DST: variants seen among roughly 807,000 people sequenced by gnomAD.
The protein encoded by DST is bullous pemphigoid antigen.
DST carries 253 observed loss-of-function variants against 875.2 expected under a neutral mutation model. The observed-to-expected ratio is 0.29, with a 90% CI of 0.26 to 0.32. The LOEUF (loss-of-function observed/expected upper bound fraction) is 0.32, where lower values mean the gene tolerates loss of function less well. Ranked by LOEUF, DST falls within the 10% of genes least tolerant of loss-of-function variation. The pLI, the probability that DST is intolerant of heterozygous loss-of-function variation, is 1.00. For missense variants in DST, 8,287 were observed against 9,111.6 expected, an observed-to-expected ratio of 0.91 and a Z score of 3.68; for synonymous variants, 3,124 against 3,197.1, an observed-to-expected ratio of 0.98 and a Z score of 0.77.
At chr6:56,684,509 CACTACTGA>C (rs1390526133) in intron 9 of DST, among the ~76,000 whole-genome samples, 1 of 152,192 alleles carries the variant, frequency 6.6e-6, no homozygotes, top group African/African-American at 2.4e-5. Flanking sequence ...GCCCTCCTCT[CACTACTGA>C]ACAAGCTTAG....
chr6:56,569,203 T>C (rs1337223524), intron 54 of DST, among the ~76,000 whole-genome samples: 1 of 151,676 alleles, frequency 6.6e-6, no homozygotes, highest in Non-Finnish European at 1.5e-5. Flanking sequence ...CAGCCACCTG[T>C]AGTCCCAGCT....
At chr6:56,868,992 C>T (rs1428760640) in intron 3 of DST, among the ~76,000 whole-genome samples, 3 of 152,164 alleles carry the variant, frequency 2.0e-5, no homozygotes, top group Non-Finnish European at 2.9e-5. Context: ...CACAGCCCTA[C>T]ATAGAAATGA....
chr6:56,821,203 T>G (rs927746346), intron 4 of DST, among the ~76,000 whole-genome samples: 1 of 152,178 alleles, frequency 6.6e-6, no homozygotes, highest in African/African-American at 2.4e-5. Context: ...ATATTAACTT[T>G]CAAAATAATG....
intron 3 of DST, among the ~76,000 whole-genome samples, chr6:56,896,682 G>A (rs370703927): frequency 1.9e-4 from 29 of 152,244 alleles, no homozygotes; most frequent in East Asian, 1.5e-3. Flanking sequence ...ATCACCTTGC[G>A]GTTTTGATTT....
In DST at chr6:56,753,947, CA is replaced by C; in HGVS notation, c.626-18659del. 2.6e-5 allele frequency among the ~76,000 whole-genome samples: 4 copies of C among 152,278 alleles called. No individual in the cohort carries two copies. In the South Asian group the frequency reaches 8.3e-4, roughly 32 times the overall value. On this transcript the variant is annotated intron_variant, in intron 4 of 103. Transcript: ENST00000680361. ...TAGAGTAACAGCATAACAGCATAGC[CA>C]GTGAAATGTCCATGGTTCCAAAATG...
intron 4 of DST, among the ~76,000 whole-genome samples, chr6:56,746,819 C>T (rs79715103): frequency 0.013 from 2,002 of 152,160 alleles, 49 homozygotes; most frequent in African/African-American, 0.045. Flanking sequence ...CCGGTGGACT[C>T]TATGGAAGAT....
At chr6:56,603,795 T>A in intron 40 of DST, 42 bp downstream of exon 40, 1 of 1,586,694 alleles carries the variant, frequency 6.3e-7, no homozygotes, top group Non-Finnish European at 8.6e-7. Context: ...TCTCACATGG[T>A]TCATGCAGCT....
rs1226634291 is a variant in DST at position 56,606,496 on chromosome 6, A to T, written c.8132T>A (p.Val2711Asp). ...CTGTCCATTCACCTTATCTGAGCCAACAGGATTTAAATGTATTTTTTCACC... is the reference window on the plus strand; with the variant it reads ...CTGTCCATTCACCTTATCTGAGCCATCAGGATTTAAATGTATTTTTTCACC... Reference protein sequence around the residue: ...DSGEKIHLNPVGSDKVNGQSL... With the variant: ...DSGEKIHLNPDGSDKVNGQSL... The change falls in exon 40 of 104, where the codon GTT (valine) becomes GAT (aspartate). Residue 2711 changes from valine to aspartate, a missense_variant. Val to Asp is a radical substitution (Grantham distance 152, BLOSUM62 -3). Around this residue, in one of 10 missense-constraint regions of DST, gnomAD observed 3,138 missense variants for 3,116.6 expected, o/e 1.01. Transcript: ENST00000680361. The T allele has an allele frequency of 2.5e-6, 4 of 1,613,332 alleles. No homozygotes were observed. Among genetic ancestry groups the T allele is most frequent in the Non-Finnish European group, 2.5e-6 (3 of 1,179,504 alleles).
At chr6:56,469,986 T>C (rs2094800309) in intron 96 of DST, 29 bp from the exon 97 acceptor site, 1 of 1,606,962 alleles carries the variant, frequency 6.2e-7, no homozygotes, top group African/African-American at 1.3e-5. Flanking sequence ...AAATATTTAC[T>C]TTAATGTCAA....
chr6:56,763,503 CT>C (rs950834243), intron 4 of DST, among the ~76,000 whole-genome samples: 2 of 151,902 alleles, frequency 1.3e-5, no homozygotes, highest in Non-Finnish European at 2.9e-5. Context: ...GAAACCACGT[CT>C]CTACTAAACG....
At chr6:56,611,622 A>G in intron 37 of DST, 26 bp from the exon 38 acceptor site, 1 of 1,478,978 alleles carries the variant, frequency 6.8e-7, no homozygotes, top group Non-Finnish European at 9.4e-7. Context: ...GGCACATTCA[A>G]ACTCTTCCTC....
chr6:56,569,696 G>C (rs187917782), intron 54 of DST, among the ~76,000 whole-genome samples, 160 bp downstream of exon 54: 2 of 152,200 alleles, frequency 1.3e-5, no homozygotes, highest in Admixed American at 1.3e-4. Flanking sequence ...AAAAGAATTA[G>C]TTAAGCCCCA....
At chr6:56,610,892 A>C (rs1407137097) in intron 38 of DST, among the ~76,000 whole-genome samples, 1 of 152,196 alleles carries the variant, frequency 6.6e-6, no homozygotes, top group African/African-American at 2.4e-5. Flanking sequence ...AGGGACAATA[A>C]GGTACCATTT....
chr6:56,832,109 T>A (rs1432328640), intron 4 of DST, among the ~76,000 whole-genome samples: 3 of 152,180 alleles, frequency 2.0e-5, no homozygotes, highest in Non-Finnish European at 4.4e-5. Flanking sequence ...AATCCTTCAG[T>A]CCTGCTTTAG....
At chr6:56,582,786 C>T (rs2098043193) in intron 49 of DST, among the ~76,000 whole-genome samples, 1 of 152,060 alleles carries the variant, frequency 6.6e-6, no homozygotes, top group Non-Finnish European at 1.5e-5. Flanking sequence ...TGATGATCCC[C>T]GTCCTGTGTC....
At chr6:56,462,521 C>T (rs1216192821) in intron 102 of DST, among the ~76,000 whole-genome samples, 2 of 152,174 alleles carry the variant, frequency 1.3e-5, no homozygotes, top group African/African-American at 2.4e-5. Context: ...GCTTATGTCA[C>T]ACCTGCCCAA....
intron 2 of DST, among the ~76,000 whole-genome samples, chr6:56,931,880 G>A (rs1271435002): frequency 6.6e-6 from 1 of 152,158 alleles, no homozygotes; most frequent in East Asian, 1.9e-4. Context: ...CAGGCTCATA[G>A]GCAGAAGAGA....
intron 39 of DST, among the ~76,000 whole-genome samples, chr6:56,609,801 G>A (rs1057335804): frequency 6.6e-6 from 1 of 151,996 alleles, no homozygotes; most frequent in African/African-American, 2.4e-5. Flanking sequence ...CTAAGAAACT[G>A]GAAAAATTGT....
At chr6:56,532,687 A>G (rs2096917463) in intron 63 of DST, among the ~76,000 whole-genome samples, 177 bp from the exon 64 acceptor site, 1 of 152,208 alleles carries the variant, frequency 6.6e-6, no homozygotes. Context: ...ATTTATTACT[A>G]TTGGGTCAGA....
Sources: allele counts gnomAD v4.1 joint callset (sites outside exome capture counted in the v4.1 genomes callset), GRCh38; gene constraint gnomAD v4.1.1; regional missense constraint gnomAD v4.1.1; transcripts MANE v1.5; gene names NCBI Gene and HGNC (gene_info 2026-07-23, HGNC 2026-07-21).